FRYL: variants seen among roughly 807,000 people sequenced by gnomAD.
FRYL encodes the protein FRY like transcription coactivator.
FRYL carries 150 observed loss-of-function variants against 351.2 expected under a neutral mutation model. That is an observed-to-expected ratio of 0.43 (90% CI 0.37 to 0.49). The LOEUF is 0.49. Among genes scored for constraint, FRYL ranks in the 20% least tolerant of loss-of-function variants. FRYL has a pLI of 0.00. For missense variants in FRYL, 3,036 were observed against 3,619.3 expected (o/e 0.84, Z 4.13); for synonymous variants, 1,153 against 1,257.1 (o/e 0.92, Z 1.75).
intron 1 of FRYL, among the ~76,000 whole-genome samples, chr4:48,750,747 C>T (rs1033396659): frequency 6.6e-6 from 1 of 152,142 alleles, no homozygotes; most frequent in African/African-American, 2.4e-5. Context: ...GGAGAGGGAG[C>T]TGGGGATCAA....
chr4:48,733,557 C>G (rs1454205114), intron 1 of FRYL, among the ~76,000 whole-genome samples: 3 of 152,050 alleles, frequency 2.0e-5, no homozygotes, highest in Admixed American at 2.0e-4. Flanking sequence ...AAAAACTTTT[C>G]TTTTTCTTAC....
At chr4:48,603,636 C>A (rs1402381880) in intron 11 of FRYL, among the ~76,000 whole-genome samples, 1 of 152,140 alleles carries the variant, frequency 6.6e-6, no homozygotes, top group Non-Finnish European at 1.5e-5. Context: ...AGAGCAAATT[C>A]TCTGTGCTCT....
intron 1 of FRYL, among the ~76,000 whole-genome samples, chr4:48,761,385 C>A (rs2109371096): frequency 6.6e-6 from 1 of 152,238 alleles, no homozygotes; most frequent in African/African-American, 2.4e-5. Flanking sequence ...TGAAAACTTC[C>A]TATAGCCTAG....
chr4:48,595,836 T>C (rs1414767226), intron 14 of FRYL, 61 bp downstream of exon 14: 10 of 1,182,956 alleles, frequency 8.5e-6, no homozygotes, highest in East Asian at 4.9e-5. Context: ...AAATTCCCAA[T>C]AGTGTGTTTT....
intron 1 of FRYL, among the ~76,000 whole-genome samples, chr4:48,738,376 A>T (rs1245619836): frequency 1.3e-5 from 2 of 152,260 alleles, no homozygotes; most frequent in Admixed American, 6.5e-5. Context: ...ACACTTAGGT[A>T]TAAACCTAAC....
intron 3 of FRYL, among the ~76,000 whole-genome samples, chr4:48,682,352 ACAGGC>A (rs1255326457): frequency 2.8e-4 from 43 of 152,316 alleles, no homozygotes; most frequent in Non-Finnish European, 1.0e-4. Flanking sequence ...CATTCAGGAC[ACAGGC>A]ATGGGCAAAG....
In FRYL at chr4:48,498,497, A is replaced by G. The variant is rs1718868918; in HGVS notation, c.*925T>C. On this transcript the variant is annotated 3_prime_UTR_variant, in exon 64 of 64. Coordinates refer to ENST00000358350, the MANE Select transcript of FRYL (RefSeq NM_015030.2). ...CTAATGAGAATAGCTGACAGGCAGC[A>G]TACATCTTTATTTTACATTTTAAAG... The G allele has an allele frequency of 6.6e-6, 1 of 152,670 alleles. No individual in the cohort carries two copies. Among genetic ancestry groups the G allele is most frequent in the South Asian group, 2.1e-4 (1 of 4,838 alleles). 9.5% of individuals were successfully genotyped at this position (152,670 alleles called of 1,614,324 possible). A position where few individuals can be genotyped will look rare whatever the true frequency, so the allele number is the denominator to read the frequency against.
At chr4:48,622,025 A>T (rs969877362) in intron 5 of FRYL, among the ~76,000 whole-genome samples, 20 of 152,208 alleles carry the variant, frequency 1.3e-4, no homozygotes, top group Admixed American at 6.5e-5. Context: ...CTAAAGAAGG[A>T]ACAATAAAAA....
intron 1 of FRYL, among the ~76,000 whole-genome samples, chr4:48,713,270 A>C (rs1768319687): frequency 6.6e-6 from 1 of 152,186 alleles, no homozygotes; most frequent in Non-Finnish European, 1.5e-5. Flanking sequence ...TAAATGTAAT[A>C]AAGTCCATTT....
intron 7 of FRYL, among the ~76,000 whole-genome samples, chr4:48,612,497 CGTGTGTGTGTGT>C (rs10657991): frequency 1.3e-5 from 2 of 149,968 alleles, no homozygotes; most frequent in Non-Finnish European, 3.0e-5. Flanking sequence ...TGTGTGTGCA[CGTGTGTGTGTGT>C]GTGTGTGTGT....
intron 15 of FRYL, among the ~76,000 whole-genome samples, chr4:48,594,383 T>C (rs1172263552): frequency 1.3e-5 from 2 of 151,116 alleles, no homozygotes; most frequent in Non-Finnish European, 1.5e-5. Flanking sequence ...AATGGGGCTC[T>C]AGGAAGGAAA....
intron 1 of FRYL, among the ~76,000 whole-genome samples, chr4:48,727,812 TTCCA>T (rs1331185577): frequency 6.6e-6 from 1 of 152,196 alleles, no homozygotes; most frequent in East Asian, 1.9e-4. Context: ...AGCCTTAGCC[TTCCA>T]TGTGGAGGAA....
At chr4:48,667,459 A>G (rs1761928504) in intron 3 of FRYL, among the ~76,000 whole-genome samples, 1 of 150,552 alleles carries the variant, frequency 6.6e-6, no homozygotes. Flanking sequence ...AACTGGAGAG[A>G]TTTTAGCAAT....
chr4:48,531,191 C>CTTAGATTTCTA lies in FRYL; in HGVS notation c.6867_6868insTAGAAATCTAA (p.Gly2290Ter). The CTTAGATTTCTA allele has an allele frequency of 6.2e-7, 1 of 1,611,132 alleles. No individual in the cohort carries two copies. Among genetic ancestry groups the CTTAGATTTCTA allele is most frequent in the Non-Finnish European group, 8.5e-7 (1 of 1,177,484 alleles). On this transcript the variant is annotated stop_gained and frameshift_variant, in exon 50 of 64. Transcript: ENST00000358350. LOFTEE classifies it high-confidence loss of function. Reference sequence around the variant, plus strand: ...TCAAAATGAAAATCTAAGGTCTTCCCAGGCAACTCCTTAGAAACATTATTA... The same window carrying CTTAGATTTCTA: ...TCAAAATGAAAATCTAAGGTCTTCCCTTAGATTTCTAAGGCAACTCCTTAGAAACATTATTA...
At chr4:48,628,936 G>C (rs559049996) in intron 4 of FRYL, among the ~76,000 whole-genome samples, 1 of 151,316 alleles carries the variant, frequency 6.6e-6, no homozygotes, top group South Asian at 2.1e-4. Context: ...ATAGTGATTA[G>C]ATGTTTTTAT....
chr4:48,578,646 TTC>T (rs1412064726), intron 23 of FRYL, among the ~76,000 whole-genome samples: 5 of 152,202 alleles, frequency 3.3e-5, no homozygotes, highest in African/African-American at 9.6e-5. Context: ...ATCTACAAAC[TTC>T]TGTGTCTACA....
chr4:48,634,139 A>G, intron 4 of FRYL, 152 bp downstream of exon 4: 1 of 595,968 alleles, frequency 1.7e-6, no homozygotes, highest in South Asian at 2.3e-5. Context: ...GCAACTTATC[A>G]AAGTGGATTC....
chr4:48,500,729 T>C (rs1400798998), intron 62 of FRYL, among the ~76,000 whole-genome samples: 1 of 152,228 alleles, frequency 6.6e-6, no homozygotes, highest in Non-Finnish European at 1.5e-5. Context: ...TGAGGCTATG[T>C]ATTGATTTTC....
At chr4:48,757,234 G>A (rs1773888250) in intron 1 of FRYL, among the ~76,000 whole-genome samples, 1 of 152,220 alleles carries the variant, frequency 6.6e-6, no homozygotes, top group Non-Finnish European at 1.5e-5. Context: ...CATAGTGTTG[G>A]AAGTTCTGGC....
Sources: allele counts gnomAD v4.1 joint callset (sites outside exome capture counted in the v4.1 genomes callset), GRCh38; gene constraint gnomAD v4.1.1; transcripts MANE v1.5; gene names NCBI Gene and HGNC (gene_info 2026-07-23, HGNC 2026-07-21).